CCNY: variants seen among roughly 807,000 people sequenced by gnomAD.
The protein encoded by CCNY is cyclin Y, also known as cyclin-Y.
In CCNY, 19 loss-of-function variants were observed where a neutral mutation model predicts 42.8. The ratio of observed to expected loss-of-function variants is 0.44; its 90% CI spans 0.31 to 0.65. The LOEUF (loss-of-function observed/expected upper bound fraction) is 0.65. Among genes scored for constraint, CCNY ranks in the 30% least tolerant of loss-of-function variants. The pLI is 0.07. For synonymous variants in CCNY, 165 were observed against 162.7 expected (o/e 1.01, Z -0.11); for missense variants, 370 against 437.3 (o/e 0.85, Z 1.37).
chr10:35,415,537 T>TTTTA (rs1197084802), intron 1 of CCNY, among the ~76,000 whole-genome samples: 1 of 152,222 alleles, frequency 6.6e-6, no homozygotes, highest in African/African-American at 2.4e-5. Context: ...GCAGAAGGGC[T>TTTTA]TTTAGCCTGG....
intron 7 of CCNY, among the ~76,000 whole-genome samples, chr10:35,548,727 G>A (rs1841174147): frequency 6.6e-6 from 1 of 151,742 alleles, no homozygotes; most frequent in African/African-American, 2.4e-5. Context: ...CTGTGGAAGC[G>A]AAAGAGGTGG....
At chr10:35,363,902 A>T (rs1836754997) in intron 1 of CCNY, among the ~76,000 whole-genome samples, 1 of 152,198 alleles carries the variant, frequency 6.6e-6, no homozygotes, top group African/African-American at 2.4e-5. Context: ...TAGTGTATGG[A>T]TATTGGAGAA....
At chr10:35,560,296 C>T (rs1355079253) in intron 8 of CCNY, among the ~76,000 whole-genome samples, 1 of 152,094 alleles carries the variant, frequency 6.6e-6, no homozygotes, top group Non-Finnish European at 1.5e-5. Flanking sequence ...AACTTTGTCC[C>T]CCTCAAATTC....
chr10:35,462,681 T>C lies in CCNY; in HGVS notation c.155-20723T>C, dbSNP rs149044352. Reference sequence around the variant, plus strand: ...TTCTCAGAGTGTGCGGGTGGAGGGGTCATTCCAGAGCAGAGGGGCTGGTGC... The same window carrying C: ...TTCTCAGAGTGTGCGGGTGGAGGGGCCATTCCAGAGCAGAGGGGCTGGTGC... On this transcript the variant is annotated intron_variant, in intron 1 of 9. Transcript: ENST00000374704. Among the ~76,000 whole-genome samples the C allele has an allele frequency of 4.5e-3, 690 of 152,232 alleles. 6 individuals carry two copies. The highest frequency in any genetic ancestry group is 6.9e-3 in the Non-Finnish European group (467 of 68,012).
intron 1 of CCNY, among the ~76,000 whole-genome samples, chr10:35,441,541 C>T (rs1302267718): frequency 1.3e-5 from 2 of 152,200 alleles, no homozygotes; most frequent in Middle Eastern, 3.4e-3. Flanking sequence ...CTCAGGAGTT[C>T]GAGACTGGCC....
At chr10:35,566,351 TC>T in intron 9 of CCNY, 166 bp downstream of exon 9, 1 of 746,418 alleles carries the variant, frequency 1.3e-6, no homozygotes, top group Non-Finnish European at 2.1e-6. Context: ...TTGTTCTGCT[TC>T]TTTTTTCTTT....
intron 3 of CCNY, among the ~76,000 whole-genome samples, chr10:35,312,901 T>G (rs1319462188): frequency 6.6e-6 from 1 of 151,824 alleles, no homozygotes; most frequent in Non-Finnish European, 1.5e-5. Flanking sequence ...CAGGCATGAG[T>G]CAGTGCTCCC....
chr10:35,569,236 T>G lies in CCNY; in HGVS notation c.*66T>G. On this transcript the variant is annotated 3_prime_UTR_variant, in exon 10 of 10. Transcript: ENST00000374704. ...TCCTTTAGTTTGAGAAAAGACAGAC[T>G]TGGGGTGGGTTTGTTTTTGTTTTTT... The G allele has an allele frequency of 2.0e-6, 2 of 998,100 alleles. No homozygotes were observed. Among genetic ancestry groups the G allele is most frequent in the Non-Finnish European group, 3.1e-6 (2 of 635,312 alleles). 61.8% of individuals were successfully genotyped at this position (998,100 alleles called of 1,614,324 possible).
intron 4 of CCNY, among the ~76,000 whole-genome samples, chr10:35,522,153 G>A (rs1251242728): frequency 6.6e-6 from 1 of 152,020 alleles, no homozygotes; most frequent in Non-Finnish European, 1.5e-5. Flanking sequence ...GACAGAAGGT[G>A]GTGAGCACCG....
intron 3 of CCNY, among the ~76,000 whole-genome samples, chr10:35,327,225 GT>G (rs1835890468): frequency 6.6e-6 from 1 of 152,196 alleles, no homozygotes; most frequent in African/African-American, 2.4e-5. Flanking sequence ...CTGTTTAACA[GT>G]GAATATCCCT....
At chr10:35,512,232 G>A (rs1009347489) in intron 3 of CCNY, among the ~76,000 whole-genome samples, 2 of 152,188 alleles carry the variant, frequency 1.3e-5, no homozygotes, top group Non-Finnish European at 2.9e-5. Context: ...GGCATTTGAG[G>A]TACCCATGAG....
At chr10:35,377,693 C>G (rs1249311005) in intron 1 of CCNY, among the ~76,000 whole-genome samples, 1 of 152,044 alleles carries the variant, frequency 6.6e-6, no homozygotes, top group African/African-American at 2.4e-5. Context: ...CTGTAGATAT[C>G]ATATTAGAAA....
At chr10:35,447,975 C>T (rs1443290974) in intron 1 of CCNY, among the ~76,000 whole-genome samples, 2 of 152,202 alleles carry the variant, frequency 1.3e-5, no homozygotes, top group Non-Finnish European at 2.9e-5. Flanking sequence ...GGTGTAGCTC[C>T]TCATTCGTTT....
intron 1 of CCNY, among the ~76,000 whole-genome samples, chr10:35,426,025 C>T (rs1416852934): frequency 6.6e-6 from 1 of 151,442 alleles, no homozygotes; most frequent in African/African-American, 2.4e-5. Context: ...CCAGCAGCAC[C>T]AAGGAGCCCA....
intron 1 of CCNY, among the ~76,000 whole-genome samples, chr10:35,364,489 A>G (rs940429626): frequency 6.6e-6 from 1 of 152,222 alleles, no homozygotes; most frequent in Admixed American, 6.5e-5. Flanking sequence ...AATGTTACGT[A>G]TTTAATTTAA....
rs973283684 is a variant in CCNY, at chr10:35,535,961, G to T, written c.579+5718G>T. 1.1e-4 allele frequency among the ~76,000 whole-genome samples: 16 copies of T among 152,072 alleles called. 1 individual carries two copies. Among genetic ancestry groups the T allele is most frequent in the Admixed American group, 1.0e-3 (16 of 15,266 alleles). Reference sequence around the variant, plus strand: ...TCATCAGTTGGTGGACATTTAACTTGTTTCTACTTTCTGGCTATTATGAAT... The same window carrying T: ...TCATCAGTTGGTGGACATTTAACTTTTTTCTACTTTCTGGCTATTATGAAT... On this transcript the variant is annotated intron_variant, in intron 7 of 9. Transcript: ENST00000374704.
At position 35,521,632 on chromosome 10, in the gene CCNY, T is replaced by C. The variant is rs116621372; in HGVS notation, c.366-4332T>C. The stretch of plus-strand genomic sequence containing the variant: ...TGTTCTCTGAGAGACTGGATCGTTC[T>C]GGCCCTGCGAAGGGGATATGCCTTG... On this transcript the variant is annotated intron_variant, in intron 4 of 9. Coordinates refer to ENST00000374704, the MANE Select transcript of CCNY (RefSeq NM_145012.6). 7.0e-3 allele frequency among the ~76,000 whole-genome samples: 1,059 copies of C among 152,314 alleles called. 17 individuals carry two copies. The highest frequency in any genetic ancestry group is 0.024 in the African/African-American group (1,010 of 41,568).
At chr10:35,394,770 T>C in intron 1 of CCNY, 1 of 832,490 alleles carries the variant, frequency 1.2e-6, no homozygotes, top group Non-Finnish European at 1.4e-6. Context: ...TTACTTAACC[T>C]CTGTTTTGAA....
In CCNY at chr10:35,441,437, T is replaced by C. The variant is rs116511947; in HGVS notation, c.155-41967T>C. On this transcript the variant is annotated intron_variant, in intron 1 of 9. Coordinates refer to ENST00000374704, the MANE Select transcript of CCNY (RefSeq NM_145012.6). ...CTTAATTTTAGGGCCCTATTATTACTATGCTTTAGCTTAGCAATTGGGCTT... is the reference window on the plus strand; with the variant it reads ...CTTAATTTTAGGGCCCTATTATTACCATGCTTTAGCTTAGCAATTGGGCTT... Among the ~76,000 whole-genome samples, 1,453 of 152,340 alleles carry C rather than the reference T, an allele frequency of 9.5e-3. 25 individuals are homozygous for C. The highest frequency in any genetic ancestry group is 0.033 in the African/African-American group (1,384 of 41,576).
Sources: gnomAD v4.1 joint callset for allele counts (sites outside exome capture counted in the v4.1 genomes callset) on GRCh38, gnomAD v4.1.1 for gene constraint, MANE v1.5 for transcripts, NCBI Gene and HGNC (gene_info 2026-07-23, HGNC 2026-07-21) for gene names.